Variants in UGGT1 observed in about 807,000 individuals in gnomAD.
UGGT1 encodes UDP-glucose:glycoprotein glucosyltransferase 1.
UGGT1 carries 107 observed loss-of-function variants against 203.9 expected under a neutral mutation model. The observed-to-expected ratio is 0.52, with a 90% CI of 0.45 to 0.62. The LOEUF (loss-of-function observed/expected upper bound fraction) is 0.62, where lower values mean the gene tolerates loss of function less well. Among genes scored for constraint, UGGT1 ranks in the 20% least tolerant of loss-of-function variants. The pLI, the probability that UGGT1 is intolerant of heterozygous loss-of-function variation, is 0.00. For synonymous variants in UGGT1, 628 were observed against 653.5 expected, an observed-to-expected ratio of 0.96 and a Z score of 0.59; for missense variants, 1,673 against 1,867.2, an observed-to-expected ratio of 0.90 and a Z score of 1.92.
chr2:128,120,221 AT>A (rs554495327), intron 8 of UGGT1, 134 bp from the exon 9 acceptor site: 9 of 687,786 alleles, frequency 1.3e-5, no homozygotes, highest in East Asian at 5.6e-5. Context: ...ATTATACTTC[AT>A]TTTTTCCCCC....
At chr2:128,105,064 A>G (rs978812267) in intron 3 of UGGT1, among the ~76,000 whole-genome samples, 3 of 150,506 alleles carry the variant, frequency 2.0e-5, no homozygotes, top group Non-Finnish European at 3.0e-5. Flanking sequence ...TTTTAATACA[A>G]CGGAGATGAG....
At chr2:128,102,212 G>T (rs1687407577) in intron 2 of UGGT1, among the ~76,000 whole-genome samples, 1 of 150,738 alleles carries the variant, frequency 6.6e-6, no homozygotes, top group Non-Finnish European at 1.5e-5. Flanking sequence ...GCACGATCTT[G>T]GCTCACTGCA....
chr2:128,168,202 G>C (rs1467739690), intron 26 of UGGT1, among the ~76,000 whole-genome samples: 1 of 152,172 alleles, frequency 6.6e-6, no homozygotes, highest in Admixed American at 6.5e-5. Context: ...ATCCTGACTT[G>C]CTTCTCACAA....
In UGGT1 at chr2:128,176,797, T is replaced by G. The variant is rs1182041668; in HGVS notation, c.3540-17T>G. Reference sequence around the variant, plus strand: ...AGAATTGTGCCTTGTAATATTGATCTTTCTTTTCTCGCAAAGCCACGATGG... The same window carrying G: ...AGAATTGTGCCTTGTAATATTGATCGTTCTTTTCTCGCAAAGCCACGATGG... On this transcript the variant is annotated splice_polypyrimidine_tract_variant and intron_variant, in intron 31 of 40. Coordinates refer to ENST00000259253, the MANE Select transcript of UGGT1 (RefSeq NM_020120.4). 1 of 1,612,190 alleles carries G rather than the reference T, an allele frequency of 6.2e-7. No homozygotes were observed.
intron 2 of UGGT1, among the ~76,000 whole-genome samples, chr2:128,099,638 T>C (rs984555028): frequency 6.6e-5 from 10 of 152,236 alleles, no homozygotes; most frequent in Non-Finnish European, 1.5e-4. Context: ...GCAGACTTTC[T>C]GCTAAATAGA....
Position 128,133,150 on chromosome 2 carries a change from A to G in UGGT1, c.1387A>G (p.Asn463Asp). 1 of 1,614,052 alleles carries G rather than the reference A, an allele frequency of 6.2e-7. No homozygotes were observed. The highest frequency in any genetic ancestry group is 2.2e-5 in the East Asian group (1 of 44,878). ...IRSPAISWVNNLEVDSRYNSW... is the reference protein window; with the variant it reads ...IRSPAISWVNDLEVDSRYNSW... ...GTGTTATTTTTTGTAGTGGGTCAAC[A>G]ACCTGGAGGTTGATAGCAGATATAA... Residue 463 changes from asparagine (N) to aspartate (D), a missense_variant, in exon 14 of 41, where the codon AAC becomes GAC. Physicochemically the swap from Asn to Asp is conservative, Grantham distance 23. Transcript: ENST00000259253.
intron 16 of UGGT1, among the ~76,000 whole-genome samples, chr2:128,142,888 G>A (rs1192328966): frequency 6.6e-6 from 1 of 151,848 alleles, no homozygotes; most frequent in Non-Finnish European, 1.5e-5. Flanking sequence ...GGCTGAGACA[G>A]GAGATTCACA....
intron 18 of UGGT1, among the ~76,000 whole-genome samples, chr2:128,150,077 A>G (rs902595253): frequency 3.9e-5 from 6 of 152,248 alleles, no homozygotes; most frequent in Admixed American, 3.9e-4. Context: ...TAATATGTAT[A>G]TACCTTTGTA....
rs754020698 is a variant in UGGT1, at chr2:128,123,211, T to C, written c.1099T>C (p.Ser367Pro). The change falls in exon 11 of 41, where the codon TCA (serine) becomes CCA (proline). Residue 367 changes from serine (S) to proline (P), a missense_variant. Physicochemically the swap from Ser to Pro is moderately conservative, Grantham distance 74. Transcript: ENST00000259253. ...ARAITKTAVSSELRTEVEENQ... is the reference protein window; with the variant it reads ...ARAITKTAVSPELRTEVEENQ... The stretch of plus-strand genomic sequence containing the variant: ...AGCAATAACAAAAACAGCTGTGAGC[T>C]CAGAACTTAGAACCGAAGTGGAAGA... 7 of 1,613,630 alleles carry C rather than the reference T, an allele frequency of 4.3e-6. No homozygotes were observed. Among genetic ancestry groups the C allele is most frequent in the South Asian group, 1.1e-5 (1 of 91,024 alleles).
At chr2:128,159,141 C>T (rs1218282471) in intron 22 of UGGT1, among the ~76,000 whole-genome samples, 1 of 147,398 alleles carries the variant, frequency 6.8e-6, no homozygotes, top group Non-Finnish European at 1.5e-5. Flanking sequence ...ACTCTGTCAT[C>T]CAGGCTGGAG....
intron 29 of UGGT1, among the ~76,000 whole-genome samples, chr2:128,173,456 G>GT (rs996382169): frequency 2.0e-5 from 3 of 151,852 alleles, no homozygotes; most frequent in Non-Finnish European, 2.9e-5. Context: ...CGTCCTTATT[G>GT]TTTTTTTCTC....
intron 35 of UGGT1, 45 bp downstream of exon 35, chr2:128,179,915 T>A: frequency 6.5e-7 from 1 of 1,542,492 alleles, no homozygotes; most frequent in Non-Finnish European, 8.9e-7. Flanking sequence ...TAAGGAGATA[T>A]TTACTGTATA....
chr2:128,101,472 A>G (rs1687370194), intron 2 of UGGT1, among the ~76,000 whole-genome samples: 1 of 152,220 alleles, frequency 6.6e-6, no homozygotes, highest in South Asian at 2.1e-4. Context: ...AACACTAAAT[A>G]TGTTTTCTGC....
At chr2:128,157,115 T>A (rs1690274199) in intron 21 of UGGT1, 137 bp from the exon 22 acceptor site, 1 of 660,396 alleles carries the variant, frequency 1.5e-6, no homozygotes, top group Non-Finnish European at 2.6e-6. Context: ...CTTTTTCTTC[T>A]ATCTTTATTA....
In UGGT1 at chr2:128,148,756, C is replaced by CT. The variant is rs199732053; in HGVS notation, c.2016+2798dup. 5.3e-3 allele frequency among the ~76,000 whole-genome samples: 804 copies of CT among 151,580 alleles called. 12 individuals are homozygous for CT. Among genetic ancestry groups the CT allele is most frequent in the African/African-American group, 0.017 (706 of 41,316 alleles). On this transcript the variant is annotated intron_variant, in intron 18 of 40. Transcript: ENST00000259253. ...CCTTATGGACATCCCATTCCCCAGC[C>CT]TTTTTTTTTCTTTGTTTTTTGACCA...
intron 1 of UGGT1, among the ~76,000 whole-genome samples, chr2:128,092,855 G>T (rs1027507659): frequency 6.6e-6 from 1 of 151,996 alleles, no homozygotes; most frequent in Non-Finnish European, 1.5e-5. Flanking sequence ...ACTTGTTAAA[G>T]AGTGTTTTCT....
intron 16 of UGGT1, chr2:128,140,194 G>A (rs890224204): frequency 1.2e-5 from 2 of 172,956 alleles, no homozygotes; most frequent in Admixed American, 5.8e-5. Context: ...GGCCATACCC[G>A]GCAGGAATTT....
At chr2:128,186,312 C>G (rs1406205160) in intron 38 of UGGT1, among the ~76,000 whole-genome samples, 4 of 152,200 alleles carry the variant, frequency 2.6e-5, no homozygotes. Flanking sequence ...ATACGTTTGT[C>G]TCCACACGAA....
intron 31 of UGGT1, among the ~76,000 whole-genome samples, chr2:128,175,826 G>T (rs1691341714): frequency 6.6e-6 from 1 of 152,154 alleles, no homozygotes; most frequent in Admixed American, 6.5e-5. Flanking sequence ...TCCTTTGCCT[G>T]AGAACCCTAC....
Sources: gnomAD v4.1 joint callset for allele counts (sites outside exome capture counted in the v4.1 genomes callset) on GRCh38, gnomAD v4.1.1 for gene constraint, MANE v1.5 for transcripts, NCBI Gene and HGNC (gene_info 2026-07-23, HGNC 2026-07-21) for gene names.